The following MICOS10 variants were observed in gnomAD, a reference collection of about 807,000 sequenced individuals.
The protein encoded by MICOS10 is MICOS complex subunit MIC10.
Under a neutral mutation model 13.4 loss-of-function variants are expected in MICOS10, and 5 were observed. The ratio of observed to expected loss-of-function variants is 0.37; its 90% CI spans 0.20 to 0.78. The LOEUF is 0.78. Among genes scored for constraint, MICOS10 ranks in the 30% least tolerant of loss-of-function variants. The pLI is 0.47. For missense variants in MICOS10, 101 were observed against 94.6 expected, an observed-to-expected ratio of 1.07 and a Z score of -0.28; for synonymous variants, 35 against 33.6, an observed-to-expected ratio of 1.04 and a Z score of -0.15.
At chr1:19,614,181 CAAGTTATATTTTAGA>C (rs1157170453) in intron 1 of MICOS10, among the ~76,000 whole-genome samples, 3 of 151,924 alleles carry the variant, frequency 2.0e-5, no homozygotes, top group Non-Finnish European at 4.4e-5. Context: ...GTTCAAGAAT[CAAGTTATATTTTAGA>C]TTGATTAAGG....
chr1:19,597,213 T>C, intron 1 of MICOS10, 104 bp downstream of exon 1: 2 of 1,267,056 alleles, frequency 1.6e-6, no homozygotes, highest in South Asian at 1.4e-5. Flanking sequence ...AGGTCAGGCC[T>C]CTCGGCCTTT....
Position 19,597,050 on chromosome 1 carries a change from C to T in MICOS10, c.5C>T (p.Ser2Phe). The part of the protein sequence containing the change: M[S>F]ESELGRKWDR... ...CTGGAGGCGCGGGTGGGGAACATGT[C>T]TGAGTCGGAGCTCGGCAGGAAGTGG... Residue 2 changes from serine (S) to phenylalanine (F), a missense_variant, in exon 1 of 4, where the codon TCT becomes TTT. Physicochemically the swap from Ser to Phe is radical, Grantham distance 155. Coordinates refer to ENST00000322753, the MANE Select transcript of MICOS10 (RefSeq NM_001032363.4). 1.9e-6 allele frequency: 3 copies of T among 1,590,614 alleles called. No homozygotes were observed. The highest frequency in any genetic ancestry group is 2.6e-6 in the Non-Finnish European group (3 of 1,171,024).
chr1:19,612,285 T>G (rs1437930377), intron 1 of MICOS10, among the ~76,000 whole-genome samples: 1 of 151,134 alleles, frequency 6.6e-6, no homozygotes, highest in Non-Finnish European at 1.5e-5. Context: ...CTCCATCTCC[T>G]GACCTCGTGA....
At chr1:19,597,244 C>T in intron 1 of MICOS10, 135 bp downstream of exon 1, 2 of 929,164 alleles carry the variant, frequency 2.2e-6, no homozygotes, top group East Asian at 3.2e-5. Context: ...CCGGCCAGGG[C>T]GAGCCGCCCG....
chr1:19,622,062 G>T (rs1310181020), intron 1 of MICOS10, 38 bp from the exon 2 acceptor site: 58 of 1,513,296 alleles, frequency 3.8e-5, no homozygotes, highest in Non-Finnish European at 5.3e-5. Context: ...TGAAGTTACT[G>T]CTATGAGATT....
rs1399622323 is a variant in MICOS10, at chr1:19,626,800, C to A, written c.*399C>A. On this transcript the variant is annotated 3_prime_UTR_variant, in exon 4 of 4. Coordinates refer to ENST00000322753, the MANE Select transcript of MICOS10 (RefSeq NM_001032363.4). ...CCCTCAGGCGTAGTTTTCAGAACTG[C>A]TTCCACCTCGTAATCAGAAGTTGAA... is the stretch of plus-strand genomic sequence containing the variant. The A allele has an allele frequency of 4.8e-6, 1 of 207,200 alleles. No individual in the cohort carries two copies. The allele number at this position is 207,200 out of a possible 1,614,324, so 12.8% of individuals were successfully genotyped here.
intron 1 of MICOS10, among the ~76,000 whole-genome samples, chr1:19,618,668 C>T (rs1262394182): frequency 6.6e-6 from 1 of 152,200 alleles, no homozygotes; most frequent in Admixed American, 6.5e-5. Context: ...TGGGCCCGGC[C>T]TGTCTTGCTG....
At chr1:19,615,578 T>C (rs930686499) in intron 1 of MICOS10, among the ~76,000 whole-genome samples, 9 of 146,096 alleles carry the variant, frequency 6.2e-5, no homozygotes, top group Middle Eastern at 3.5e-3. Context: ...AACACTTTCC[T>C]TTTTTTCCCC....
chr1:19,615,648 C>T lies in MICOS10; in HGVS notation c.65-6452C>T, dbSNP rs180778399. Among the ~76,000 whole-genome samples the T allele has an allele frequency of 4.2e-4, 60 of 143,668 alleles. 1 individual carries two copies. The highest frequency in any genetic ancestry group is 1.4e-3 in the African/African-American group (55 of 38,428). The allele number at this position is 143,668 out of a possible 152,430, so 94.3% of individuals were successfully genotyped here. On this transcript the variant is annotated intron_variant, in intron 1 of 3. Transcript: ENST00000322753. Reference sequence around the variant, plus strand: ...AGTGCAGTGGCACAATCAGGGGTCACTGCAGCCTTGACCTCCCAGGCTCAA... The same window carrying T: ...AGTGCAGTGGCACAATCAGGGGTCATTGCAGCCTTGACCTCCCAGGCTCAA...
At chr1:19,610,395 T>TTTG (rs2094855757) in intron 1 of MICOS10, among the ~76,000 whole-genome samples, 1 of 84,800 alleles carries the variant, frequency 1.2e-5, no homozygotes, top group Non-Finnish European at 2.0e-5. Context: ...TTTTTTTTTT[T>TTTG]TTGGAGACAA....
chr1:19,605,754 G>T (rs1029651235), intron 1 of MICOS10, among the ~76,000 whole-genome samples: 2 of 152,122 alleles, frequency 1.3e-5, no homozygotes, highest in African/African-American at 4.8e-5. Flanking sequence ...GATGGGGTCT[G>T]TTTTGCCCAG....
chr1:19,609,174 A>T (rs538506635), intron 1 of MICOS10, among the ~76,000 whole-genome samples: 112 of 150,012 alleles, frequency 7.5e-4, no homozygotes, highest in African/African-American at 2.3e-3. Flanking sequence ...TTAAAAAAAA[A>T]TTTTTTTTTT....
At chr1:19,601,312 C>T (rs770488914) in intron 1 of MICOS10, 2 of 276,844 alleles carry the variant, frequency 7.2e-6, no homozygotes, top group Non-Finnish European at 1.5e-5. Context: ...GGCACAGTGG[C>T]TCATGCCTAT....
intron 1 of MICOS10, among the ~76,000 whole-genome samples, chr1:19,606,341 A>G (rs2094834762): frequency 6.6e-6 from 1 of 152,142 alleles, no homozygotes; most frequent in African/African-American, 2.4e-5. Context: ...GTATGTCTTG[A>G]GATAGGTCTC....
chr1:19,598,911 T>A (rs1325735941), intron 1 of MICOS10, among the ~76,000 whole-genome samples: 2 of 152,138 alleles, frequency 1.3e-5, no homozygotes, highest in African/African-American at 2.4e-5. Context: ...TATTTATTTT[T>A]AATTAACTTA....
intron 1 of MICOS10, among the ~76,000 whole-genome samples, chr1:19,603,377 C>T (rs1032238606): frequency 3.9e-5 from 6 of 152,180 alleles, no homozygotes; most frequent in African/African-American, 1.4e-4. Context: ...GTCATTGCCT[C>T]AGAATTCTGT....
chr1:19,623,329 T>A, intron 2 of MICOS10, 145 bp from the exon 3 acceptor site: 1 of 595,756 alleles, frequency 1.7e-6, no homozygotes, highest in Admixed American at 2.9e-5. Context: ...TGTGAAACAT[T>A]GATAAAAATG....
intron 1 of MICOS10, among the ~76,000 whole-genome samples, chr1:19,606,447 T>TA (rs1327517094): frequency 1.3e-5 from 2 of 152,200 alleles, no homozygotes; most frequent in Non-Finnish European, 2.9e-5. Context: ...TCTTCCTTGT[T>TA]ACGAAAGTAT....
chr1:19,618,174 A>G (rs2094891151), intron 1 of MICOS10, among the ~76,000 whole-genome samples: 1 of 148,476 alleles, frequency 6.7e-6, no homozygotes, highest in Non-Finnish European at 1.5e-5. Flanking sequence ...TGGTATGATC[A>G]TGGCTCACTG....
Sources: gnomAD v4.1 joint callset for allele counts (sites outside exome capture counted in the v4.1 genomes callset) on GRCh38, gnomAD v4.1.1 for gene constraint, MANE v1.5 for transcripts, NCBI Gene and HGNC (gene_info 2026-07-23, HGNC 2026-07-21) for gene names.